Variants in RBFOX1 observed in about 807,000 individuals in gnomAD.
RBFOX1 encodes the protein RNA binding protein fox-1 homolog 1.
In RBFOX1, 8 loss-of-function variants were observed where a neutral mutation model predicts 57.7. The ratio of observed to expected loss-of-function variants is 0.14; its 90% confidence interval spans 0.08 to 0.25. The LOEUF is 0.25. RBFOX1 is among the 10% of genes least tolerant of loss of function. The pLI, the probability that RBFOX1 is intolerant of heterozygous loss-of-function variation, is 1.00. For synonymous variants in RBFOX1, 326 were observed against 222.4 expected, an observed-to-expected ratio of 1.47 and a Z score of -4.15; for missense variants, 611 against 548.5, an observed-to-expected ratio of 1.11 and a Z score of -1.14.
At chr16:5,454,828 CTTG>C (rs2068538034) in intron 1 of RBFOX1, among the ~76,000 whole-genome samples, 2 of 106,958 alleles carry the variant, frequency 1.9e-5, no homozygotes, top group African/African-American at 7.5e-5. Flanking sequence ...CCTTTCTTTC[CTTG>C]CTTTCTTTCC....
Position 7,693,493 on chromosome 16 carries a change from A to T in RBFOX1, c.996-15563A>T, listed in dbSNP as rs192326547. 7.2e-3 allele frequency: 5,044 copies of T among 703,986 alleles called. 22 individuals carry two copies. The highest frequency in any genetic ancestry group is 8.9e-3 in the Non-Finnish European group (3,829 of 428,784). 43.6% of individuals were successfully genotyped at this position (703,986 alleles called of 1,614,324 possible). ...AGTTTAGTTAAGAAAAAAAAAAAAG[A>T]TCTTATATCTTTGGAGTACAGCTGA... On this transcript the variant is annotated intron_variant, in intron 14 of 15. Transcript: ENST00000550418.
At chr16:5,777,393 C>G (rs965261434) in intron 3 of RBFOX1, among the ~76,000 whole-genome samples, 2 of 152,164 alleles carry the variant, frequency 1.3e-5, no homozygotes, top group African/African-American at 4.8e-5. Context: ...TCTCAAGTAC[C>G]TTAATTACAT....
chr16:7,415,463 G>A (rs897186574), intron 4 of RBFOX1, among the ~76,000 whole-genome samples: 4 of 152,102 alleles, frequency 2.6e-5, no homozygotes, highest in Non-Finnish European at 4.4e-5. Context: ...AATGAGTAAC[G>A]GACCAACCTA....
intron 4 of RBFOX1, among the ~76,000 whole-genome samples, chr16:7,422,091 T>C (rs926349631): frequency 3.9e-5 from 6 of 152,096 alleles, no homozygotes; most frequent in African/African-American, 1.4e-4. Context: ...CAAAGAGAAA[T>C]GGAGTTGGCT....
chr16:6,597,137 C>A (rs928207690), intron 2 of RBFOX1, among the ~76,000 whole-genome samples: 1 of 152,158 alleles, frequency 6.6e-6, no homozygotes, highest in Non-Finnish European at 1.5e-5. Context: ...GAGTTGACAT[C>A]TACTGTATAA....
Position 7,418,103 on chromosome 16 carries a change from A to G in RBFOX1, c.28-100044A>G, listed in dbSNP as rs577608845. Among the ~76,000 whole-genome samples the G allele has an allele frequency of 1.1e-4, 17 of 151,560 alleles. No homozygotes were observed. The South Asian group carries it at 3.2e-3, about 28-fold the overall frequency. On this transcript the variant is annotated intron_variant, in intron 4 of 15. Coordinates refer to ENST00000550418, the MANE Select transcript of RBFOX1 (RefSeq NM_018723.4). ...CTCTCTGCCCAACCCTCCATTCCTA[A>G]CCTCACCTCTCCCCCACGGCCAACC... is the stretch of plus-strand genomic sequence containing the variant.
At chr16:7,601,388 G>A (rs776437794) in intron 9 of RBFOX1, among the ~76,000 whole-genome samples, 5 of 152,126 alleles carry the variant, frequency 3.3e-5, no homozygotes, top group African/African-American at 7.2e-5. Flanking sequence ...TATTTATAGC[G>A]CAGTAGTATT....
intron 1 of RBFOX1, among the ~76,000 whole-genome samples, chr16:5,389,368 T>C (rs2066342230): frequency 6.6e-6 from 1 of 152,156 alleles, no homozygotes. Context: ...GATCATTCTG[T>C]TGTGGGGGTT....
rs538374970 is a variant in RBFOX1 at position 7,045,707 on chromosome 16, T to A, written c.-15-6350T>A. On this transcript the variant is annotated intron_variant, in intron 3 of 15. Coordinates refer to ENST00000550418, the MANE Select transcript of RBFOX1 (RefSeq NM_018723.4). ...TCTCGCTTTGTTGCCCAGGCTGGAG[T>A]GCAGTGGCTTGATCTTCATTCACTG... 1.4e-3 allele frequency among the ~76,000 whole-genome samples: 206 copies of A among 152,134 alleles called. 1 individual carries two copies. The highest frequency in any genetic ancestry group is 4.8e-3 in the African/African-American group (201 of 41,512).
intron 3 of RBFOX1, among the ~76,000 whole-genome samples, chr16:6,732,182 T>A (rs534721217): frequency 7.7e-4 from 117 of 152,324 alleles, no homozygotes; most frequent in African/African-American, 2.6e-3. Context: ...TTCCAAAGAT[T>A]GACTTTCCCT....
chr16:6,799,708 G>A (rs11642038), intron 3 of RBFOX1, among the ~76,000 whole-genome samples: 8,022 of 152,134 alleles, frequency 0.053, 308 homozygotes, highest in Middle Eastern at 0.088. Context: ...TCCACCTTTC[G>A]TCTTTCTCCT....
rs1031948056 is a variant in RBFOX1, at chr16:6,734,872, C to A, written c.-16+80222C>A. 1.8e-4 allele frequency among the ~76,000 whole-genome samples: 28 copies of A among 152,164 alleles called. 1 individual carries two copies. The highest frequency in any genetic ancestry group is 5.3e-4 in the African/African-American group (22 of 41,422). On this transcript the variant is annotated intron_variant, in intron 3 of 15. Transcript: ENST00000550418. ...AAAAGATGAGTCATTTTCAATAGTT[C>A]TTGACGCCTAGTAAAGGTTATCAGA...
intron 2 of RBFOX1, among the ~76,000 whole-genome samples, chr16:6,628,402 T>A (rs186979621): frequency 6.6e-6 from 1 of 152,346 alleles, no homozygotes; most frequent in East Asian, 1.9e-4. Flanking sequence ...TTGTTGTAAT[T>A]GCAGATGTAT....
intron 3 of RBFOX1, among the ~76,000 whole-genome samples, chr16:5,701,857 C>T (rs1010138817): frequency 1.1e-4 from 16 of 152,156 alleles, no homozygotes; most frequent in African/African-American, 3.9e-4. Context: ...GGTTTAAATG[C>T]CCATTTTGAA....
chr16:6,472,630 C>CA (rs1567353672), intron 2 of RBFOX1, among the ~76,000 whole-genome samples: 14 of 145,160 alleles, frequency 9.6e-5, no homozygotes, highest in Non-Finnish European at 1.5e-5. Context: ...TTCTTTCTTT[C>CA]TTTTTTTTTT....
At chr16:6,534,303 C>G (rs533229953) in intron 2 of RBFOX1, among the ~76,000 whole-genome samples, 6 of 152,074 alleles carry the variant, frequency 3.9e-5, no homozygotes, top group African/African-American at 9.6e-5. Context: ...GTATAACATA[C>G]TCAGCAAGAG....
At chr16:6,100,039 A>G (rs1363391695) in intron 1 of RBFOX1, among the ~76,000 whole-genome samples, 2 of 152,212 alleles carry the variant, frequency 1.3e-5, no homozygotes, top group African/African-American at 2.4e-5. Context: ...TGTTGAGCAC[A>G]TATTATTCTT....
intron 2 of RBFOX1, among the ~76,000 whole-genome samples, chr16:6,619,425 A>G (rs2098193204): frequency 6.6e-6 from 1 of 152,190 alleles, no homozygotes. Flanking sequence ...CTTTTTCTGC[A>G]AACTCATTTG....
intron 3 of RBFOX1, chr16:6,704,195 C>A (rs148380433): frequency 3.9e-5 from 6 of 152,196 alleles, no homozygotes; most frequent in African/African-American, 1.4e-4. Flanking sequence ...GGAAATGGGT[C>A]ATGCAGGAGT....
Sources: gnomAD v4.1 joint callset for allele counts (sites outside exome capture counted in the v4.1 genomes callset) on GRCh38, gnomAD v4.1.1 for gene constraint, MANE v1.5 for transcripts, NCBI Gene and HGNC (gene_info 2026-07-23, HGNC 2026-07-21) for gene names.